Variants in PCSK9 observed in about 807,000 individuals in gnomAD.
PCSK9 encodes the protein proprotein convertase subtilisin/kexin type 9, also known as convertase subtilisin/kexin type 9 preproprotein.
A neutral mutation model predicts 62.1 loss-of-function variants in PCSK9; 57 were observed. The observed-to-expected ratio is 0.92, with a 90% CI of 0.74 to 1.14. The LOEUF is 1.14. Among genes scored for constraint, PCSK9 ranks in the 50% most tolerant of loss-of-function variants. PCSK9 has a pLI of 0.00. For missense variants in PCSK9, 870 were observed against 959.8 expected (o/e 0.91, Z 1.24); for synonymous variants, 387 against 409.4 (o/e 0.95, Z 0.66).
intron 1 of PCSK9, among the ~76,000 whole-genome samples, chr1:55,042,403 T>C (rs112650015): frequency 8.9e-4 from 135 of 152,360 alleles, no homozygotes; most frequent in African/African-American, 3.2e-3. Flanking sequence ...TGCATATTCA[T>C]ATATTTTGCT....
intron 2 of PCSK9, 141 bp downstream of exon 2, chr1:55,044,175 C>A: frequency 1.0e-6 from 1 of 994,618 alleles, no homozygotes; most frequent in Non-Finnish European, 1.6e-6. Context: ...GGGTACCAAG[C>A]ACAGTAACTA....
intron 2 of PCSK9, 127 bp downstream of exon 2, chr1:55,044,161 T>A: frequency 8.9e-7 from 1 of 1,125,334 alleles, no homozygotes; most frequent in Non-Finnish European, 1.3e-6. Flanking sequence ...ATTGAGCACT[T>A]ATCGGGTACC....
At position 55,052,781 on chromosome 1, in the gene PCSK9, C is replaced by T; in HGVS notation, c.789C>T (p.Gly263=). Residue 263 remains glycine (G), a synonymous_variant, in exon 5 of 12, where the codon GGC becomes GGT. Transcript: ENST00000302118. ...LNCQGKGTVS[G]TLIGLEFIRK... ...GCCAAGGGAAGGGCACGGTTAGCGG[C>T]ACCCTCATAGGTAAGTGATGGCCCC... The T allele has an allele frequency of 6.2e-7, 1 of 1,613,134 alleles. No individual in the cohort carries two copies. The highest frequency in any genetic ancestry group is 1.1e-5 in the South Asian group (1 of 91,086).
chr1:55,051,924 G>T (rs1413316008), intron 3 of PCSK9: 11 of 356,562 alleles, frequency 3.1e-5, no homozygotes, highest in South Asian at 4.6e-5. Context: ...GCTGTGAAAG[G>T]CTATAATAGG....
intron 3 of PCSK9, among the ~76,000 whole-genome samples, chr1:55,050,033 C>A (rs1319850025): frequency 6.6e-6 from 1 of 152,238 alleles, no homozygotes; most frequent in African/African-American, 2.4e-5. Context: ...GCCCAGCAGG[C>A]CTTCTGCTCG....
intron 3 of PCSK9, chr1:55,051,279 T>C: frequency 2.2e-6 from 1 of 451,078 alleles, no homozygotes; most frequent in Admixed American, 2.4e-5. Context: ...CAGGAGCAGT[T>C]TGACTGACAG....
intron 1 of PCSK9, among the ~76,000 whole-genome samples, chr1:55,041,277 T>G (rs889999737): frequency 2.6e-5 from 4 of 152,240 alleles, no homozygotes; most frequent in Non-Finnish European, 4.4e-5. Flanking sequence ...CACAGCTGCC[T>G]GCCCACGCTT....
chr1:55,051,325 T>C, intron 3 of PCSK9: 1 of 388,128 alleles, frequency 2.6e-6, no homozygotes, highest in African/African-American at 2.1e-5. Context: ...CCTGAGGCCC[T>C]GCTTTTCCTG....
At position 55,045,989 on chromosome 1, in the gene PCSK9, G is replaced by A. The variant is rs186112040; in HGVS notation, c.400-534G>A. On this transcript the variant is annotated intron_variant, in intron 2 of 11. Transcript: ENST00000302118. ...CTCCCAAAGTGCTGGGATTACAGGC[G>A]TGAGTCACCGCTCCCAGCTGCTGAT... 1.9e-3 allele frequency among the ~76,000 whole-genome samples: 285 copies of A among 152,278 alleles called. 1 individual carries two copies. The highest frequency in any genetic ancestry group is 3.0e-3 in the Non-Finnish European group (201 of 68,024).
At chr1:55,054,772 A>G (rs11804420) in intron 5 of PCSK9, among the ~76,000 whole-genome samples, 14,128 of 152,174 alleles carry the variant, frequency 0.093, 1,175 homozygotes, top group African/African-American at 0.22. Flanking sequence ...TTGGGAGGGC[A>G]AGGCGGGAGG....
chr1:55,060,843 C>T (rs1165960017), intron 10 of PCSK9, among the ~76,000 whole-genome samples: 1 of 152,224 alleles, frequency 6.6e-6, no homozygotes, highest in African/African-American at 2.4e-5. Flanking sequence ...TCGCACGTGT[C>T]ATCTTCACAG....
chr1:55,062,569 G>A (rs1473912276), intron 11 of PCSK9, among the ~76,000 whole-genome samples: 1 of 152,214 alleles, frequency 6.6e-6, no homozygotes, highest in African/African-American at 2.4e-5. Flanking sequence ...GAATGGGGTG[G>A]GAGAGAGGTC....
chr1:55,061,462 G>A lies in PCSK9; in HGVS notation c.1769G>A (p.Gly590Asp), dbSNP rs2100337378. 6.2e-7 allele frequency: 1 copy of A among 1,607,654 alleles called. No individual in the cohort carries two copies. Among genetic ancestry groups the A allele is most frequent in the Non-Finnish European group, 8.5e-7 (1 of 1,177,840 alleles). Residue 590 changes from glycine (G) to aspartate (D), a missense_variant, in exon 11 of 12, where the codon GGC (glycine) becomes GAC (aspartate). Gly to Asp is a moderately conservative substitution (Grantham distance 94). Transcript: ENST00000302118. ...RPRGQPNQCV[G>D]HREASIHASC... ...CGAGGTCAGCCCAACCAGTGCGTGG[G>A]CCACAGGGAGGCCAGCATCCACGCT...
At position 55,057,534 on chromosome 1, in the gene PCSK9, C is replaced by T; in HGVS notation, c.1180+20C>T. ...TGGCTGGTAAGTCACCACCCCACTG[C>T]CTCGGCCACCGTGATGCTAACAGCC... On this transcript the variant is annotated intron_variant, in intron 7 of 11. Transcript: ENST00000302118. The T allele has an allele frequency of 1.3e-6, 2 of 1,596,858 alleles. No individual in the cohort carries two copies. The highest frequency in any genetic ancestry group is 1.7e-6 in the Non-Finnish European group (2 of 1,172,654).
At chr1:55,047,956 G>A (rs1644645993) in intron 3 of PCSK9, among the ~76,000 whole-genome samples, 1 of 152,198 alleles carries the variant, frequency 6.6e-6, no homozygotes, top group Non-Finnish European at 1.5e-5. Context: ...CAGAGACCAA[G>A]AGGGACACTG....
chr1:55,058,878 G>C (rs1342560771), intron 9 of PCSK9, among the ~76,000 whole-genome samples: 1 of 152,196 alleles, frequency 6.6e-6, no homozygotes, highest in East Asian at 1.9e-4. Flanking sequence ...GTTTCCTAGA[G>C]GCTGCAGGAC....
At chr1:55,059,795 C>T in intron 10 of PCSK9, 132 bp downstream of exon 10, 2 of 1,194,424 alleles carry the variant, frequency 1.7e-6, no homozygotes, top group Non-Finnish European at 2.3e-6. Flanking sequence ...TACTCTGGTT[C>T]TGCCACTTCC....
chr1:55,052,152 A>T, intron 3 of PCSK9, 126 bp from the exon 4 acceptor site: 1 of 1,324,422 alleles, frequency 7.6e-7, no homozygotes, highest in Non-Finnish European at 1.1e-6. Flanking sequence ...TTTGGAGGTT[A>T]AACGAGTGAA....
rs1359876864 is a variant in PCSK9 at position 55,058,052 on chromosome 1, G to A, written c.1197G>A (p.Met399Ile). The part of the protein sequence containing the change: ...AAHVAGIAAM[M>I]LSAEPELTLA... ...CTGCACCAGGCATTGCAGCCATGAT[G>A]CTGTCTGCCGAGCCGGAGCTCACCC... The change falls in exon 8 of 12, where the codon ATG becomes ATA. Residue 399 changes from methionine to isoleucine, a missense_variant. Physicochemically the swap from Met to Ile is conservative, Grantham distance 10 (BLOSUM62 1). Transcript: ENST00000302118. 2 of 1,613,782 alleles carry A rather than the reference G, an allele frequency of 1.2e-6. No individual in the cohort carries two copies. Among genetic ancestry groups the A allele is most frequent in the Non-Finnish European group, 1.7e-6 (2 of 1,180,036 alleles).
Sources: gnomAD v4.1 joint callset for allele counts (sites outside exome capture counted in the v4.1 genomes callset) on GRCh38, gnomAD v4.1.1 for gene constraint, MANE v1.5 for transcripts, NCBI Gene and HGNC (gene_info 2026-07-23, HGNC 2026-07-21) for gene names.